The following PSMC2 variants were observed in gnomAD, a reference collection of about 807,000 sequenced individuals.
PSMC2 encodes the protein proteasome 26S subunit, ATPase 2.
Under a neutral mutation model 53.3 loss-of-function variants are expected in PSMC2, and 7 were observed. That is an observed-to-expected ratio of 0.13 (90% confidence interval 0.07 to 0.25). The LOEUF (loss-of-function observed/expected upper bound fraction) is 0.25, where lower values mean the gene tolerates loss of function less well. Ranked by LOEUF, PSMC2 falls within the 10% of genes least tolerant of loss-of-function variation. The probability of loss-of-function intolerance (pLI) is 1.00; values close to 1 mark genes in which losing one functional copy is unlikely to be tolerated. For missense variants in PSMC2, 241 were observed against 544.0 expected (o/e 0.44, Z 5.54); for synonymous variants, 169 against 183.9 (o/e 0.92, Z 0.66).
chr7:103,349,910 T>C (rs1819691575), intron 1 of PSMC2, among the ~76,000 whole-genome samples: 1 of 152,256 alleles, frequency 6.6e-6, no homozygotes, highest in African/African-American at 2.4e-5. Flanking sequence ...TCATGACTGA[T>C]GACTTTTTTC....
chr7:103,352,796 T>C (rs1219732031), intron 1 of PSMC2: 2 of 779,014 alleles, frequency 2.6e-6, no homozygotes, highest in African/African-American at 3.4e-5. Context: ...GTGACTTGGC[T>C]GAGGTCACCC....
In PSMC2 at chr7:103,367,944, A is replaced by C. The variant is rs373150287; in HGVS notation, c.1192A>C (p.Arg398=). The change falls in exon 12 of 12, where the codon AGA becomes CGA. Residue 398 remains arginine, a synonymous_variant. Transcript: ENST00000292644. The surrounding 1 kb of genome is among the most constrained non-coding windows in gnomAD (Gnocchi z 6.1). ...CACAGAGGCTGGTATGTTTGCCATC[A>C]GAGCACGGCGAAAAATTGCTACCGA... ...VCTEAGMFAI[R]ARRKIATEKD... The C allele has an allele frequency of 1.7e-4, 273 of 1,614,036 alleles. No homozygotes were observed. Among genetic ancestry groups the C allele is most frequent in the Non-Finnish European group, 2.1e-4 (253 of 1,180,036 alleles).
At chr7:103,347,834 G>T in intron 1 of PSMC2, 53 bp downstream of exon 1, 52 of 1,597,036 alleles carry the variant, frequency 3.3e-5, no homozygotes, top group Non-Finnish European at 4.3e-5. Flanking sequence ...GAGCGGAGCT[G>T]CCTTGGCACT....
intron 1 of PSMC2, chr7:103,352,972 A>AT (rs2116131872): frequency 2.6e-6 from 2 of 780,314 alleles, no homozygotes; most frequent in East Asian, 2.4e-5. Flanking sequence ...GTGAACTTAA[A>AT]TTTTTTACCA....
At chr7:103,354,494 G>C (rs554073397) in intron 2 of PSMC2, among the ~76,000 whole-genome samples, 3 of 151,366 alleles carry the variant, frequency 2.0e-5, no homozygotes, top group Admixed American at 6.6e-5. Flanking sequence ...TCAGCCTCCT[G>C]AGTAGCTGGG....
At position 103,355,716 on chromosome 7, in the gene PSMC2, C is replaced by T. The variant is rs780287209; in HGVS notation, c.213C>T (p.Gly71=). Residue 71 remains glycine, a synonymous_variant, in exon 4 of 12, where the codon GGC becomes GGT. Coordinates refer to ENST00000292644, the MANE Select transcript of PSMC2 (RefSeq NM_002803.4). ...ELTGIKESDT[G]LAPPALWDLA... is the part of the protein sequence containing the mutation. ...TAGGTATTAAAGAATCTGACACTGG[C>T]CTGGCCCCACCAGCACTCTGGGATT... is the stretch of plus-strand genomic sequence containing the variant. 10 of 1,613,936 alleles carry T rather than the reference C, an allele frequency of 6.2e-6. No individual in the cohort carries two copies. In the South Asian group the frequency reaches 6.6e-5, roughly 11 times the overall value.
chr7:103,347,788 TG>T lies in PSMC2; in HGVS notation c.70+8del. The stretch of plus-strand genomic sequence containing the variant: ...GACGACAAGCCCATCCGAGGTCAGT[TG>T]ACATGGGCCGGAGCTCGGAGCTGGG... On this transcript the variant is annotated splice_region_variant and intron_variant, in intron 1 of 11. Transcript: ENST00000292644. The T allele has an allele frequency of 6.2e-7, 1 of 1,613,778 alleles. No individual in the cohort carries two copies. The highest frequency in any genetic ancestry group is 8.5e-7 in the Non-Finnish European group (1 of 1,179,786).
At chr7:103,347,619 AC>A (rs750036860), upstream of PSMC2, 2 of 1,469,488 alleles carry the variant, frequency 1.4e-6, no homozygotes, top group Non-Finnish European at 9.5e-7. Flanking sequence ...AGCCCAATTT[AC>A]TTCCGGTGGG....
chr7:103,347,736 C>A lies in PSMC2; in HGVS notation c.25C>A (p.Gln9Lys), dbSNP rs772261210. 6.2e-7 allele frequency: 1 copy of A among 1,613,916 alleles called. No homozygotes were observed. Among genetic ancestry groups the A allele is most frequent in the South Asian group, 1.1e-5 (1 of 91,054 alleles). The change falls in exon 1 of 12, where the codon CAG becomes AAG. Residue 9 changes from glutamine (Q) to lysine (K), a missense_variant. By Grantham distance (53) the Gln-to-Lys change is moderately conservative. This residue lies in a region of PSMC2 where 70 missense variants were observed against 57.9 expected (regional missense o/e 1.21). Transcript: ENST00000292644. ...AATGCCGGATTACCTCGGTGCCGAT[C>A]AGCGGAAGACCAAAGAGGATGAGAA... MPDYLGAD[Q>K]RKTKEDEKDD...
Position 103,362,668 on chromosome 7 carries a change from TC to T in PSMC2, c.423-17del. The T allele has an allele frequency of 6.3e-7, 1 of 1,583,548 alleles. No homozygotes were observed. The highest frequency in any genetic ancestry group is 1.1e-5 in the South Asian group (1 of 90,258). On this transcript the variant is annotated splice_polypyrimidine_tract_variant and intron_variant, in intron 5 of 11. Transcript: ENST00000292644. ...AGCTTAAAGAATGTATTAATGACTA[TC>T]TTTTTTACTTCCTTAGCGTGGATAG...
chr7:103,353,907 C>T lies in PSMC2; in HGVS notation c.71-14C>T, dbSNP rs1563484422. On this transcript the variant is annotated splice_polypyrimidine_tract_variant and intron_variant, in intron 1 of 11. Coordinates refer to ENST00000292644, the MANE Select transcript of PSMC2 (RefSeq NM_002803.4). ...TTTCTTTTTGAATCTCACGTATTGTCTCTCTTCTTTCAGCTCTGGATGAGG... is the reference window on the plus strand; with the variant it reads ...TTTCTTTTTGAATCTCACGTATTGTTTCTCTTCTTTCAGCTCTGGATGAGG... 3 of 1,599,180 alleles carry T rather than the reference C, an allele frequency of 1.9e-6. No homozygotes were observed. Among genetic ancestry groups the T allele is most frequent in the Non-Finnish European group, 8.5e-7 (1 of 1,170,750 alleles).
rs369412458 is a variant in PSMC2 at position 103,352,918 on chromosome 7, G to A, written c.71-1003G>A. ...CGGTCTCCATCTTCTGGTCATCTCTGTATGAAAGCTGAAACAAGAGGGTAG... is the reference window on the plus strand; with the variant it reads ...CGGTCTCCATCTTCTGGTCATCTCTATATGAAAGCTGAAACAAGAGGGTAG... On this transcript the variant is annotated intron_variant, in intron 1 of 11. Transcript: ENST00000292644. The A allele has an allele frequency of 5.1e-6, 4 of 780,712 alleles. No individual in the cohort carries two copies. The African/African-American group carries it at 6.8e-5, about 13-fold the overall frequency. The allele number at this position is 780,712 out of a possible 1,614,324, so 48.4% of individuals were successfully genotyped here.
rs1819635962 is a variant in PSMC2, at chr7:103,347,762, GGAC to G, written c.55_57del (p.Asp19del). On this transcript the variant is annotated inframe_deletion, in exon 1 of 12. Transcript: ENST00000292644. ...AGCGGAAGACCAAAGAGGATGAGAA[GGAC>G]GACAAGCCCATCCGAGGTCAGTTGA... is the stretch of plus-strand genomic sequence containing the variant. 1.2e-6 allele frequency: 2 copies of G among 1,613,762 alleles called. No homozygotes were observed. The highest frequency in any genetic ancestry group is 2.2e-5 in the East Asian group (1 of 44,894).
rs774306934 is a variant in PSMC2 at position 103,347,732 on chromosome 7, C to T, written c.21C>T (p.Ala7=). ...CTAAAATGCCGGATTACCTCGGTGC[C>T]GATCAGCGGAAGACCAAAGAGGATG... is the stretch of plus-strand genomic sequence containing the variant. The part of the protein sequence containing the change: MPDYLG[A]DQRKTKEDEK... Residue 7 remains alanine, a synonymous_variant, in exon 1 of 12, where the codon GCC becomes GCT. Coordinates refer to ENST00000292644, the MANE Select transcript of PSMC2 (RefSeq NM_002803.4). 2.5e-6 allele frequency: 4 copies of T among 1,613,700 alleles called. No individual in the cohort carries two copies. In the African/African-American group the frequency reaches 4.0e-5, roughly 16 times the overall value.
intron 6 of PSMC2, 21 bp downstream of exon 6, chr7:103,362,779 AAAGG>A (rs1820484410): frequency 1.3e-6 from 2 of 1,517,498 alleles, no homozygotes; most frequent in Non-Finnish European, 1.8e-6. Context: ...ATGGGAGGGA[AAAGG>A]AAGGCTATGT....
Position 103,355,681 on chromosome 7 carries a change from T to G in PSMC2, c.191-13T>G, listed in dbSNP as rs762280906. The G allele has an allele frequency of 5.0e-6, 8 of 1,601,538 alleles. No individual in the cohort carries two copies. The Admixed American group carries it at 6.7e-5, about 13-fold the overall frequency. Reference sequence around the variant, plus strand: ...TTACATTTTAGTAAATTTTGTCATCTTTCTCTATGTAGGTATTAAAGAATC... The same window carrying G: ...TTACATTTTAGTAAATTTTGTCATCGTTCTCTATGTAGGTATTAAAGAATC... On this transcript the variant is annotated splice_polypyrimidine_tract_variant and intron_variant, in intron 3 of 11. Transcript: ENST00000292644.
At chr7:103,354,047 AG>A (rs1177901540) in intron 2 of PSMC2, 89 bp downstream of exon 2, 2 of 1,079,426 alleles carry the variant, frequency 1.9e-6, no homozygotes, top group Non-Finnish European at 2.6e-6. Flanking sequence ...AATTAGAAGA[AG>A]TTAAGAAACC....
At chr7:103,361,209 TGTG>T (rs1375827670) in intron 4 of PSMC2, among the ~76,000 whole-genome samples, 3 of 151,234 alleles carry the variant, frequency 2.0e-5, no homozygotes, top group African/African-American at 7.3e-5. Flanking sequence ...AAAGTCCGGG[TGTG>T]GTGGCTCACG....
rs201606134 is a variant in PSMC2 at position 103,353,900 on chromosome 7, G to A, written c.71-21G>A. On this transcript the variant is annotated intron_variant, in intron 1 of 11. Transcript: ENST00000292644. ...ATTCTAGTTTCTTTTTGAATCTCAC[G>A]TATTGTCTCTCTTCTTTCAGCTCTG... 3.4e-5 allele frequency: 54 copies of A among 1,594,714 alleles called. No homozygotes were observed. In the South Asian group the frequency reaches 3.5e-4, roughly 10 times the overall value.
Sources: allele counts gnomAD v4.1 joint callset (sites outside exome capture counted in the v4.1 genomes callset), GRCh38; gene constraint gnomAD v4.1.1; regional missense constraint gnomAD v4.1.1; non-coding constraint Gnocchi (gnomAD v3.1); transcripts MANE v1.5; gene names NCBI Gene and HGNC (gene_info 2026-07-23, HGNC 2026-07-21).